The following FAM200B variants were observed in gnomAD, a reference collection of about 807,000 sequenced individuals.
FAM200B encodes the protein protein FAM200B.
In FAM200B, 32 loss-of-function variants were observed where a neutral mutation model predicts 33.1. The ratio of observed to expected loss-of-function variants is 0.97; its 90% confidence interval spans 0.73 to 1.30. The LOEUF (loss-of-function observed/expected upper bound fraction) is 1.30. Among genes scored for constraint, FAM200B ranks in the 50% most tolerant of loss-of-function variants. The probability of loss-of-function intolerance (pLI) is 0.00; values close to 1 mark genes in which losing one functional copy is unlikely to be tolerated. For missense variants in FAM200B, 741 were observed against 754.0 expected (o/e 0.98, Z 0.20); for synonymous variants, 240 against 264.8 (o/e 0.91, Z 0.91).
In FAM200B at chr4:15,687,405, G is replaced by C. The variant is rs1211028463; in HGVS notation, c.428G>C (p.Ser143Thr). Residue 143 changes from serine to threonine, a missense_variant, in exon 2 of 2, where the codon AGT becomes ACT. Coordinates refer to ENST00000422728, the MANE Select transcript of FAM200B (RefSeq NM_001145191.2). Reference protein sequence around the residue: ...TQFLSCSTAVSEKALLSSYLV... With the variant: ...TQFLSCSTAVTEKALLSSYLV... ...TTTCTTAGTTGTTCTACTGCTGTTA[G>C]TGAGAAAGCCTTATTATCATCATAT... 1.9e-6 allele frequency: 3 copies of C among 1,548,914 alleles called. No individual in the cohort carries two copies. The highest frequency in any genetic ancestry group is 2.6e-6 in the Non-Finnish European group (3 of 1,145,272).
At position 15,687,444 on chromosome 4, in the gene FAM200B, G is replaced by T. The variant is rs986314609; in HGVS notation, c.467G>T (p.Arg156Leu). 2 of 1,550,972 alleles carry T rather than the reference G, an allele frequency of 1.3e-6. No homozygotes were observed. The highest frequency in any genetic ancestry group is 8.7e-7 in the Non-Finnish European group (1 of 1,146,572). Reference protein sequence around the residue: ...ALLSSYLVAYRVAKEKIANTA... With the variant: ...ALLSSYLVAYLVAKEKIANTA... ...TTATCATCATATTTAGTTGCATATCGTGTGGCAAAAGAGAAAATAGCTAAC... is the reference window on the plus strand; with the variant it reads ...TTATCATCATATTTAGTTGCATATCTTGTGGCAAAAGAGAAAATAGCTAAC... The change falls in exon 2 of 2, where the codon CGT becomes CTT. Residue 156 changes from arginine to leucine, a missense_variant. Coordinates refer to ENST00000422728, the MANE Select transcript of FAM200B (RefSeq NM_001145191.2).
the FAM200B span, among the ~76,000 whole-genome samples, chr4:15,672,323 G>A: frequency 6.6e-6 from 1 of 152,174 alleles, no homozygotes; most frequent in Non-Finnish European, 1.5e-5. Flanking sequence ...CACAATTACA[G>A]TCATGTGTTG....
chr4:15,688,571 AG>A lies in FAM200B; in HGVS notation c.1597del (p.Glu533LysfsTer5), dbSNP rs1438258002. 1.9e-6 allele frequency: 3 copies of A among 1,550,640 alleles called. No homozygotes were observed. The African/African-American group carries it at 4.1e-5, about 21-fold the overall frequency. ...FFPEEKFETL[R>X]ENSWVKDPFA... ...TCCAGAAGAAAAATTTGAAACATTA[AG>A]GGAAAACAGTTGGGTAAAAGATCCA... is the stretch of plus-strand genomic sequence containing the variant. On this transcript the variant is annotated frameshift_variant, in exon 2 of 2. Coordinates refer to ENST00000422728, the MANE Select transcript of FAM200B (RefSeq NM_001145191.2). LOFTEE classifies it high-confidence loss of function.
chr4:15,658,254 T>C, the FAM200B span, among the ~76,000 whole-genome samples: 1 of 152,238 alleles, frequency 6.6e-6, no homozygotes, highest in Non-Finnish European at 1.5e-5. Context: ...TTTGACCCAG[T>C]TGGAATCATA....
chr4:15,641,959 A>C, the FAM200B span, among the ~76,000 whole-genome samples: 1 of 151,950 alleles, frequency 6.6e-6, no homozygotes, highest in Non-Finnish European at 1.5e-5. Flanking sequence ...ACCTGGAAGA[A>C]GGAGGTTGCG....
At chr4:15,642,398 A>G in the FAM200B span, among the ~76,000 whole-genome samples, 1 of 151,954 alleles carries the variant, frequency 6.6e-6, no homozygotes, top group Non-Finnish European at 1.5e-5. Context: ...ACTCCCAGCT[A>G]ATTTTTTTGG....
chr4:15,666,260 A>G, the FAM200B span, among the ~76,000 whole-genome samples: 61 of 151,872 alleles, frequency 4.0e-4, no homozygotes, highest in Non-Finnish European at 1.5e-4. Context: ...TTAGCCAGGT[A>G]TGGTGGTGCA....
At chr4:15,646,942 G>T in the FAM200B span, among the ~76,000 whole-genome samples, 2 of 151,952 alleles carry the variant, frequency 1.3e-5, no homozygotes, top group Non-Finnish European at 2.9e-5. Context: ...ATTGAAAAAG[G>T]CTGGGCATGG....
chr4:15,685,751 A>G (rs1340379498), intron 1 of FAM200B, among the ~76,000 whole-genome samples: 2 of 152,228 alleles, frequency 1.3e-5, no homozygotes, highest in Non-Finnish European at 2.9e-5. Context: ...AATAAACACT[A>G]CAGTAAATGT....
chr4:15,648,552 G>A, the FAM200B span, among the ~76,000 whole-genome samples: 3 of 152,140 alleles, frequency 2.0e-5, no homozygotes, highest in Admixed American at 2.0e-4. Context: ...CATAAAAAAG[G>A]AAATCCTGTC....
In FAM200B at chr4:15,687,391, T is replaced by A. The variant is rs953138749; in HGVS notation, c.414T>A (p.Cys138Ter). The A allele has an allele frequency of 3.0e-5, 47 of 1,547,892 alleles. No homozygotes were observed. The highest frequency in any genetic ancestry group is 4.1e-5 in the Non-Finnish European group (47 of 1,144,790). ...AGTTATCAACACAATTTCTTAGTTGTTCTACTGCTGTTAGTGAGAAAGCCT... is the reference window on the plus strand; with the variant it reads ...AGTTATCAACACAATTTCTTAGTTGATCTACTGCTGTTAGTGAGAAAGCCT... The part of the protein sequence containing the change: ...DIKLSTQFLS[C>*]STAVSEKALL... Residue 138 changes from cysteine (C) to a stop codon, truncating the protein, a stop_gained, in exon 2 of 2, where the codon TGT becomes TGA. Transcript: ENST00000422728. LOFTEE classifies it high-confidence loss of function.
At chr4:15,644,613 A>G in the FAM200B span, 11 of 1,614,118 alleles carry the variant, frequency 6.8e-6, no homozygotes, top group Non-Finnish European at 8.5e-6. Flanking sequence ...ATTCATTTTC[A>G]ATCTGCTCAT....
chr4:15,658,398 C>T, the FAM200B span, among the ~76,000 whole-genome samples: 1 of 152,210 alleles, frequency 6.6e-6, no homozygotes, highest in African/African-American at 2.4e-5. Context: ...GAAACTTAAT[C>T]CCCAATAAGG....
chr4:15,675,789 A>T, the FAM200B span, among the ~76,000 whole-genome samples: 1 of 151,624 alleles, frequency 6.6e-6, no homozygotes, highest in East Asian at 1.9e-4. Flanking sequence ...CACCATGTTA[A>T]CCAAGCTGGT....
At chr4:15,667,212 G>C in the FAM200B span, among the ~76,000 whole-genome samples, 2 of 152,160 alleles carry the variant, frequency 1.3e-5, no homozygotes, top group Middle Eastern at 3.2e-3. Flanking sequence ...TCACTAAACA[G>C]CCACATGATC....
chr4:15,639,312 C>CAGTTAACT, the FAM200B span, among the ~76,000 whole-genome samples: 2 of 152,224 alleles, frequency 1.3e-5, no homozygotes, highest in Non-Finnish European at 2.9e-5. Context: ...ATGTTTAGGT[C>CAGTTAACT]AGTTAACTGC....
chr4:15,657,952 A>G, the FAM200B span, among the ~76,000 whole-genome samples: 12 of 152,254 alleles, frequency 7.9e-5, no homozygotes, highest in African/African-American at 2.9e-4. Context: ...AGAAGTCTGA[A>G]TAAGGCATGT....
the FAM200B span, among the ~76,000 whole-genome samples, chr4:15,645,586 C>A: frequency 2.0e-5 from 3 of 152,078 alleles, no homozygotes; most frequent in Non-Finnish European, 2.9e-5. Context: ...CGCCACCACG[C>A]CCGGCTAATT....
At chr4:15,648,943 T>C in the FAM200B span, among the ~76,000 whole-genome samples, 1 of 152,188 alleles carries the variant, frequency 6.6e-6, no homozygotes, top group African/African-American at 2.4e-5. Flanking sequence ...ACAATGTACA[T>C]GTATATCAAA....
Sources: gnomAD v4.1 joint callset for allele counts (sites outside exome capture counted in the v4.1 genomes callset) on GRCh38, gnomAD v4.1.1 for gene constraint, MANE v1.5 for transcripts, NCBI Gene and HGNC (gene_info 2026-07-23, HGNC 2026-07-21) for gene names.